The following ANO1 variants were observed in gnomAD, a reference collection of about 807,000 sequenced individuals.
ANO1 encodes anoctamin 1.
In ANO1, 59 loss-of-function variants were observed where a neutral mutation model predicts 124.0. The ratio of observed to expected loss-of-function variants is 0.48; its 90% CI spans 0.39 to 0.59. The LOEUF (loss-of-function observed/expected upper bound fraction) is 0.59. Ranked by LOEUF, ANO1 falls within the 20% of genes least tolerant of loss-of-function variation. The probability of loss-of-function intolerance (pLI) is 0.00; values close to 1 mark genes in which losing one functional copy is unlikely to be tolerated. For missense variants in ANO1, 1,059 were observed against 1,328.0 expected (o/e 0.80, Z 3.15); for synonymous variants, 529 against 532.0 (o/e 0.99, Z 0.08).
chr11:70,010,318 T>G (rs570010482), intron 1 of ANO1, among the ~76,000 whole-genome samples: 3 of 151,532 alleles, frequency 2.0e-5, no homozygotes, highest in Non-Finnish European at 4.4e-5. Flanking sequence ...TGCAAGTGCC[T>G]TTTTCACATA....
chr11:70,029,026 CCCA>C (rs1384975692), intron 1 of ANO1, among the ~76,000 whole-genome samples: 1 of 152,164 alleles, frequency 6.6e-6, no homozygotes, highest in African/African-American at 2.4e-5. Flanking sequence ...AGGTGATCCA[CCCA>C]CCTCGGCCTC....
intron 22 of ANO1, among the ~76,000 whole-genome samples, chr11:70,174,576 CA>C (rs2048613507): frequency 6.6e-6 from 1 of 152,180 alleles, no homozygotes; most frequent in Non-Finnish European, 1.5e-5. Flanking sequence ...CTGCCTCCAA[CA>C]TGAACTTTCC....
chr11:70,095,375 A>G lies in ANO1; in HGVS notation c.441+7291A>G, dbSNP rs1394507771. 8.7e-5 allele frequency among the ~76,000 whole-genome samples: 3 copies of G among 34,384 alleles called. 1 individual carries two copies. The highest frequency in any genetic ancestry group is 2.4e-4 in the African/African-American group (3 of 12,544). 22.6% of individuals were successfully genotyped at this position (34,384 alleles called of 152,430 possible). Reference sequence around the variant, plus strand: ...GAAAGAAAGAAAGAAAGAAAGAAAGAAAGAAAGAAAGAAAGAAAGAAAGAA... The same window carrying G: ...GAAAGAAAGAAAGAAAGAAAGAAAGGAAGAAAGAAAGAAAGAAAGAAAGAA... On this transcript the variant is annotated intron_variant, in intron 2 of 25. Transcript: ENST00000355303.
At chr11:70,174,218 G>T (rs977893504) in intron 22 of ANO1, among the ~76,000 whole-genome samples, 2 of 151,442 alleles carry the variant, frequency 1.3e-5, no homozygotes, top group Non-Finnish European at 2.9e-5. Context: ...GATTACAGGC[G>T]TGAGCCACCG....
At chr11:70,007,003 TATTAACTGTATGCACATTGCTGTGC>T (rs1456050828) in intron 1 of ANO1, among the ~76,000 whole-genome samples, 5 of 152,010 alleles carry the variant, frequency 3.3e-5, no homozygotes, top group South Asian at 2.1e-4. Flanking sequence ...AGTACAATAG[TATTAACTGTATGCACATTGCTGTGC>T]ATTAACTGTA....
Position 70,032,241 on chromosome 11 carries a change from T to G in ANO1, c.58+46075T>G, listed in dbSNP as rs545602305. 3.4e-3 allele frequency among the ~76,000 whole-genome samples: 519 copies of G among 152,244 alleles called. 3 individuals carry two copies. The highest frequency in any genetic ancestry group is 0.012 in the African/African-American group (489 of 41,552). On this transcript the variant is annotated intron_variant, in intron 1 of 27. Transcript: ENST00000531349. ...CCCCAGATTAGGTCTGATCATCTCC[T>G]CTGTCAGGAGAGAAGCAGTCTCATT... is the stretch of plus-strand genomic sequence containing the variant.
intron 22 of ANO1, among the ~76,000 whole-genome samples, chr11:70,176,715 G>C (rs2048715436): frequency 6.6e-6 from 1 of 152,136 alleles, no homozygotes; most frequent in African/African-American, 2.4e-5. Flanking sequence ...TTCCTGTCAT[G>C]GCCTGAACCA....
rs1325123992 is a variant in ANO1, at chr11:70,161,643, G to T, written c.1802G>T (p.Ser601Ile). ...TKIEVPKTEK[S>I]FEERLIFKAF... ...CTAGAGGTCCCAAAGACGGAGAAAA[G>T]CTTTGAGGAGAGGCTGATCTTCAAG... Residue 601 changes from serine to isoleucine, a missense_variant, in exon 18 of 26, where the codon AGC becomes ATC. Around this residue, in one of 2 missense-constraint regions of ANO1, gnomAD observed 809 missense variants for 1,094.9 expected, o/e 0.74. Coordinates refer to ENST00000355303, the MANE Select transcript of ANO1 (RefSeq NM_018043.7). 4 of 1,613,882 alleles carry T rather than the reference G, an allele frequency of 2.5e-6. No individual in the cohort carries two copies. The African/African-American group carries it at 5.3e-5, about 22-fold the overall frequency.
chr11:70,061,228 G>A (rs901503874), intron 1 of ANO1, among the ~76,000 whole-genome samples: 3 of 152,048 alleles, frequency 2.0e-5, no homozygotes, highest in African/African-American at 7.2e-5. Context: ...GAAGAAGCAG[G>A]ATAGTGTCCT....
Position 70,103,077 on chromosome 11 carries a change from C to T in ANO1, c.453C>T (p.His151=), listed in dbSNP as rs757147209. The stretch of plus-strand genomic sequence containing the variant: ...CCTTCTCTCTCCAGACTAAAATCCA[C>T]GGAGTCGGGTTTGTGAAAATCCATG... ...ELERDEDTKI[H]GVGFVKIHAP... The change falls in exon 3 of 26, where the codon CAC becomes CAT. Residue 151 remains histidine, a synonymous_variant. Transcript: ENST00000355303. The T allele has an allele frequency of 2.7e-5, 44 of 1,610,764 alleles. 1 individual carries two copies. The highest frequency in any genetic ancestry group is 2.1e-4 in the South Asian group (19 of 90,224).
chr11:69,992,896 T>G (rs1395994020), intron 1 of ANO1, among the ~76,000 whole-genome samples: 4 of 152,208 alleles, frequency 2.6e-5, no homozygotes, highest in African/African-American at 9.7e-5. Flanking sequence ...CAGAGATCCA[T>G]TTGACAATGG....
chr11:69,969,775 C>T, the ANO1 span, among the ~76,000 whole-genome samples: 13 of 152,132 alleles, frequency 8.5e-5, no homozygotes, highest in African/African-American at 2.4e-4. Context: ...GGTGAAACCC[C>T]GTCTTTACTA....
At chr11:70,121,896 G>C (rs11234813) in intron 8 of ANO1, among the ~76,000 whole-genome samples, 169 of 7,136 alleles carry the variant, frequency 0.024, no homozygotes, top group Non-Finnish European at 0.029. Context: ...CATCTCCCCC[G>C]CCTCTCTGTC....
intron 5 of ANO1, among the ~76,000 whole-genome samples, chr11:70,106,609 G>A (rs1466274241): frequency 6.6e-6 from 1 of 152,188 alleles, no homozygotes; most frequent in Admixed American, 6.5e-5. Context: ...GCAGGGAGGA[G>A]GGCATCTCTC....
intron 1 of ANO1, among the ~76,000 whole-genome samples, chr11:70,045,959 T>C (rs1437259629): frequency 6.6e-6 from 1 of 152,232 alleles, no homozygotes; most frequent in Non-Finnish European, 1.5e-5. Context: ...CTAACTCATG[T>C]CAACTTAGAC....
intron 1 of ANO1, among the ~76,000 whole-genome samples, chr11:70,032,632 G>A (rs553323458): frequency 4.6e-5 from 7 of 152,246 alleles, no homozygotes; most frequent in East Asian, 1.9e-4. Context: ...CAGTGGTGCC[G>A]TTTACTGAGA....
At chr11:69,977,624 CAATGCG>C in the ANO1 span, among the ~76,000 whole-genome samples, 1 of 152,232 alleles carries the variant, frequency 6.6e-6, no homozygotes, top group African/African-American at 2.4e-5. Flanking sequence ...GTGAGAGATC[CAATGCG>C]TCCTAAGGGG....
chr11:70,058,884 A>G (rs1371215764), intron 1 of ANO1, among the ~76,000 whole-genome samples: 1 of 152,104 alleles, frequency 6.6e-6, no homozygotes, highest in Non-Finnish European at 1.5e-5. Flanking sequence ...TTTGACTAAT[A>G]AAAGCTGGAC....
rs991091702 is a variant in ANO1, at chr11:70,184,155, G to A, written c.2589-1435G>A. Among the ~76,000 whole-genome samples, 4 of 152,324 alleles carry A rather than the reference G, an allele frequency of 2.6e-5. No individual in the cohort carries two copies. The East Asian group carries it at 7.7e-4, about 29-fold the overall frequency. ...CCTGCCCCTCATGGGGGCATTTTCT[G>A]TCCAGCTTTGGGAAGCTTTTCCAAT... On this transcript the variant is annotated intron_variant, in intron 24 of 25. Transcript: ENST00000355303.
Sources: gnomAD v4.1 joint callset for allele counts (sites outside exome capture counted in the v4.1 genomes callset) on GRCh38, gnomAD v4.1.1 for gene constraint, gnomAD v4.1.1 regional missense constraint, MANE v1.5 for transcripts, NCBI Gene and HGNC (gene_info 2026-07-23, HGNC 2026-07-21) for gene names.